Variants in MACROD1 observed in about 807,000 individuals in gnomAD.
MACROD1 encodes the protein mono-ADP ribosylhydrolase 1, also known as ADP-ribose glycohydrolase MACROD1.
A neutral mutation model predicts 41.4 loss-of-function variants in MACROD1; 31 were observed. The observed-to-expected ratio is 0.75, with a 90% CI of 0.56 to 1.01. The LOEUF is 1.01. Ranked by LOEUF, MACROD1 falls within the 50% of genes least tolerant of loss-of-function variation. The probability of loss-of-function intolerance (pLI) is 0.00; values close to 1 mark genes in which losing one functional copy is unlikely to be tolerated. For missense variants in MACROD1, 473 were observed against 460.0 expected (o/e 1.03, Z -0.26); for synonymous variants, 252 against 203.4 (o/e 1.24, Z -2.03).
chr11:64,161,448 C>T (rs1466154412), intron 1 of MACROD1, among the ~76,000 whole-genome samples: 1 of 152,196 alleles, frequency 6.6e-6, no homozygotes, highest in Non-Finnish European at 1.5e-5. Context: ...AGTGACTGCA[C>T]AGTTGCATAC....
intron 3 of MACROD1, among the ~76,000 whole-genome samples, chr11:64,038,102 C>G (rs1943417425): frequency 6.6e-6 from 1 of 152,172 alleles, no homozygotes; most frequent in Non-Finnish European, 1.5e-5. Flanking sequence ...GTGTCCCCTC[C>G]TCCCCATCTC....
At chr11:64,143,781 C>G in intron 3 of MACROD1, among the ~76,000 whole-genome samples, 1 of 150,636 alleles carries the variant, frequency 6.6e-6, no homozygotes, top group Non-Finnish European at 1.5e-5. Flanking sequence ...CACACACACA[C>G]ACACACACAC....
At chr11:64,042,815 A>G (rs142571824) in intron 3 of MACROD1, among the ~76,000 whole-genome samples, 1,673 of 151,814 alleles carry the variant, frequency 0.011, 41 homozygotes, top group African/African-American at 0.039. Context: ...GAGCCCTGAG[A>G]CCCCCACCAG....
chr11:64,013,925 C>A (rs1398366815), intron 4 of MACROD1, among the ~76,000 whole-genome samples: 11 of 152,106 alleles, frequency 7.2e-5, no homozygotes, highest in African/African-American at 2.7e-4. Flanking sequence ...CTTCTAGAAG[C>A]CTTCCTGATG....
At chr11:63,998,776 G>C (rs1167852670) in intron 10 of MACROD1, 62 bp downstream of exon 10, 1 of 1,443,292 alleles carries the variant, frequency 6.9e-7, no homozygotes, top group African/African-American at 1.4e-5. Context: ...GGGGGTGAGC[G>C]GGGGTTAGTG....
chr11:63,999,620 T>G, intron 6 of MACROD1, 22 bp downstream of exon 6: 1 of 1,608,914 alleles, frequency 6.2e-7, no homozygotes, highest in African/African-American at 1.3e-5. Flanking sequence ...CCTCCCGCCC[T>G]CCCCCGCGGG....
intron 5 of MACROD1, 107 bp from the exon 6 acceptor site, chr11:63,999,870 C>CG: frequency 7.7e-7 from 1 of 1,298,398 alleles, no homozygotes; most frequent in Non-Finnish European, 1.0e-6. Context: ...CCTTTCCCCC[C>CG]AAGCGCTGAG....
intron 3 of MACROD1, among the ~76,000 whole-genome samples, chr11:64,128,559 TAGAC>T (rs1255485447): frequency 6.6e-6 from 1 of 151,886 alleles, no homozygotes; most frequent in Non-Finnish European, 1.5e-5. Context: ...CCGCCTGAGG[TAGAC>T]AGGAGGGCAG....
At chr11:64,110,191 T>G (rs1345175707) in intron 3 of MACROD1, among the ~76,000 whole-genome samples, 7 of 151,988 alleles carry the variant, frequency 4.6e-5, no homozygotes, top group Non-Finnish European at 4.4e-5. Context: ...GGCTCACGCG[T>G]ATAATCTCAG....
At chr11:64,000,180 G>T in intron 5 of MACROD1, 47 bp downstream of exon 5, 1 of 1,497,822 alleles carries the variant, frequency 6.7e-7, no homozygotes, top group Non-Finnish European at 9.2e-7. Context: ...AGTGACACAC[G>T]GGCGCCCTGT....
At chr11:64,152,429 G>C in intron 1 of MACROD1, 36 bp from the exon 2 acceptor site, 1 of 1,539,134 alleles carries the variant, frequency 6.5e-7, no homozygotes, top group Non-Finnish European at 9.0e-7. Flanking sequence ...GGTGGGGGCA[G>C]AGGAACGGGC....
At chr11:64,130,108 GC>G (rs1165458500) in intron 3 of MACROD1, among the ~76,000 whole-genome samples, 1 of 151,556 alleles carries the variant, frequency 6.6e-6, no homozygotes, top group African/African-American at 2.4e-5. Context: ...CACTGCTGCA[GC>G]CCCCCACCGT....
chr11:64,062,770 C>T (rs114356541), intron 3 of MACROD1, among the ~76,000 whole-genome samples: 2,219 of 152,274 alleles, frequency 0.015, 58 homozygotes, highest in African/African-American at 0.05. Context: ...AAAACCAGGC[C>T]GGGCAGGTCT....
rs778352526 is a variant in MACROD1 at position 64,117,896 on chromosome 11, G to A, written c.517+33343C>T. ...CTACCACCACACTCAACCAGGAGCAGAACGCTGGCCCCATGGCGAGCCTGC... is the reference window on the plus strand; with the variant it reads ...CTACCACCACACTCAACCAGGAGCAAAACGCTGGCCCCATGGCGAGCCTGC... On this transcript the variant is annotated intron_variant, in intron 3 of 10. Transcript: ENST00000255681. 1.8e-5 allele frequency: 29 copies of A among 1,613,996 alleles called. No individual in the cohort carries two copies. The highest frequency in any genetic ancestry group is 3.3e-5 in the Admixed American group (2 of 60,034).
At chr11:64,045,477 G>A (rs1015775730) in intron 3 of MACROD1, among the ~76,000 whole-genome samples, 7 of 152,224 alleles carry the variant, frequency 4.6e-5, no homozygotes, top group South Asian at 2.1e-4. Context: ...TTTCTGCAGC[G>A]TGGGCCCTGC....
intron 1 of MACROD1, among the ~76,000 whole-genome samples, chr11:64,153,819 T>C (rs1479047438): frequency 6.6e-6 from 1 of 152,096 alleles, no homozygotes; most frequent in Non-Finnish European, 1.5e-5. Context: ...CTGCATTCAG[T>C]ACCAGCGCTG....
intron 3 of MACROD1, chr11:64,116,655 C>T (rs897466142): frequency 3.7e-6 from 6 of 1,613,998 alleles, no homozygotes; most frequent in East Asian, 2.2e-5. Context: ...CCGCTCCCTC[C>T]GGGAGCTGCA....
intron 3 of MACROD1, among the ~76,000 whole-genome samples, chr11:64,069,814 G>A (rs748642120): frequency 6.6e-6 from 1 of 152,204 alleles, no homozygotes. Context: ...GACGCAACAG[G>A]CTTCTTATCG....
chr11:64,141,869 G>A (rs1380168500), intron 3 of MACROD1, among the ~76,000 whole-genome samples: 1 of 152,190 alleles, frequency 6.6e-6, no homozygotes, highest in Non-Finnish European at 1.5e-5. Context: ...GGGAGAAAAG[G>A]CCCTTGGGTT....
Sources: gnomAD v4.1 joint callset for allele counts (sites outside exome capture counted in the v4.1 genomes callset) on GRCh38, gnomAD v4.1.1 for gene constraint, MANE v1.5 for transcripts, NCBI Gene and HGNC (gene_info 2026-07-23, HGNC 2026-07-21) for gene names.